RPH3A: variants seen among roughly 807,000 people sequenced by gnomAD.
The protein encoded by RPH3A is rabphilin-3A.
RPH3A carries 48 observed loss-of-function variants against 102.2 expected under a neutral mutation model. The observed-to-expected ratio is 0.47, with a 90% CI of 0.37 to 0.60. The LOEUF (loss-of-function observed/expected upper bound fraction) is 0.60, where lower values mean the gene tolerates loss of function less well. RPH3A is among the 20% of genes least tolerant of loss of function. RPH3A has a pLI of 0.00. For missense variants in RPH3A, 781 were observed against 910.1 expected (o/e 0.86, Z 1.83); for synonymous variants, 310 against 324.3 (o/e 0.96, Z 0.47).
intron 1 of RPH3A, among the ~76,000 whole-genome samples, chr12:112,651,201 A>T (rs566708566): frequency 6.6e-6 from 1 of 152,022 alleles, no homozygotes; most frequent in African/African-American, 2.4e-5. Context: ...TCCTAAAAAA[A>T]ACAAAACAAA....
chr12:112,596,086 T>C (rs569961029), intron 1 of RPH3A, among the ~76,000 whole-genome samples: 1 of 152,278 alleles, frequency 6.6e-6, no homozygotes, highest in Admixed American at 6.5e-5. Flanking sequence ...CAAAACATCA[T>C]TGAGTGAGAA....
rs143181287 is a variant in RPH3A, at chr12:112,612,313, G to A, written c.-140+36994G>A. Among the ~76,000 whole-genome samples, 513 of 152,280 alleles carry A rather than the reference G, an allele frequency of 3.4e-3. 2 individuals carry two copies. The highest frequency in any genetic ancestry group is 0.017 in the Middle Eastern group (5 of 294). ...CTGGCTTTTGAAAGGCCCTGTTGGTGTAATTGAGGTTAAGTGTAGTTACTC... is the reference window on the plus strand; with the variant it reads ...CTGGCTTTTGAAAGGCCCTGTTGGTATAATTGAGGTTAAGTGTAGTTACTC... On this transcript the variant is annotated intron_variant, in intron 1 of 21. Transcript: ENST00000543106.
intron 1 of RPH3A, among the ~76,000 whole-genome samples, chr12:112,577,485 C>G (rs367971659): frequency 6.2e-4 from 94 of 152,238 alleles, no homozygotes; most frequent in African/African-American, 2.3e-3. Context: ...TGGTTGCCAT[C>G]TTGGTTTTGG....
intron 1 of RPH3A, among the ~76,000 whole-genome samples, chr12:112,667,342 AAAT>A (rs1260095419): frequency 6.6e-6 from 1 of 152,150 alleles, no homozygotes; most frequent in African/African-American, 2.4e-5. Flanking sequence ...TAGGAAGCTC[AAAT>A]AATATGTCAA....
chr12:112,671,623 A>T (rs369620986), intron 1 of RPH3A, among the ~76,000 whole-genome samples: 1 of 152,178 alleles, frequency 6.6e-6, no homozygotes, highest in South Asian at 2.1e-4. Flanking sequence ...AAGAATGGAT[A>T]TTGAGGGACA....
chr12:112,812,952 A>G (rs1275841642), intron 2 of RPH3A, among the ~76,000 whole-genome samples: 1 of 152,252 alleles, frequency 6.6e-6, no homozygotes, highest in Non-Finnish European at 1.5e-5. Flanking sequence ...TCTGGAGATG[A>G]CCACAAGGGT....
chr12:112,781,596 G>T (rs573278739), intron 1 of RPH3A, among the ~76,000 whole-genome samples: 1 of 152,196 alleles, frequency 6.6e-6, no homozygotes, highest in Non-Finnish European at 1.5e-5. Context: ...ATTGGTGGAG[G>T]ATCAGTGAGC....
intron 1 of RPH3A, among the ~76,000 whole-genome samples, chr12:112,687,580 C>T (rs759635504): frequency 6.6e-5 from 10 of 152,300 alleles, no homozygotes; most frequent in South Asian, 4.1e-4. Context: ...CTGTCTACCA[C>T]GTGTGCTATC....
At chr12:112,728,479 T>A (rs1748970877) in intron 1 of RPH3A, among the ~76,000 whole-genome samples, 1 of 152,186 alleles carries the variant, frequency 6.6e-6, no homozygotes, top group Non-Finnish European at 1.5e-5. Flanking sequence ...TGTGTTTATA[T>A]AAGCATTTTT....
intron 15 of RPH3A, among the ~76,000 whole-genome samples, chr12:112,883,092 A>C (rs898326281): frequency 6.6e-6 from 1 of 152,192 alleles, no homozygotes; most frequent in Admixed American, 6.5e-5. Context: ...ACCCAGTGTC[A>C]AGCATTGATC....
chr12:112,807,977 A>G (rs949096526), intron 2 of RPH3A, among the ~76,000 whole-genome samples: 1 of 152,046 alleles, frequency 6.6e-6, no homozygotes, highest in African/African-American at 2.4e-5. Flanking sequence ...TGACTGTTCT[A>G]TTTACCACTA....
chr12:112,811,109 G>C (rs1201986592), intron 2 of RPH3A, among the ~76,000 whole-genome samples: 2 of 151,962 alleles, frequency 1.3e-5, no homozygotes, highest in Non-Finnish European at 2.9e-5. Context: ...AGAAATACAG[G>C]GTTAGGTTCC....
intron 1 of RPH3A, among the ~76,000 whole-genome samples, chr12:112,657,479 T>A (rs1332691634): frequency 6.6e-6 from 1 of 152,194 alleles, no homozygotes; most frequent in Non-Finnish European, 1.5e-5. Context: ...CAGAATTGCA[T>A]GTGCTATACT....
intron 1 of RPH3A, among the ~76,000 whole-genome samples, chr12:112,612,600 T>C (rs966068405): frequency 6.9e-6 from 1 of 145,976 alleles, no homozygotes; most frequent in Non-Finnish European, 1.5e-5. Context: ...GGTCTCACTC[T>C]GTCACCCAGG....
chr12:112,756,664 T>A (rs1008514523), intron 1 of RPH3A, among the ~76,000 whole-genome samples: 32 of 152,364 alleles, frequency 2.1e-4, no homozygotes, highest in African/African-American at 7.7e-4. Context: ...CAAAGACATC[T>A]AGGTTGTTCC....
intron 1 of RPH3A, among the ~76,000 whole-genome samples, chr12:112,651,384 A>AAAC (rs398070185): frequency 6.6e-6 from 1 of 150,704 alleles, no homozygotes; most frequent in South Asian, 2.1e-4. Flanking sequence ...AAACCCCCAA[A>AAAC]AAACAAACAA....
chr12:112,861,628 A>C (rs535943987), intron 5 of RPH3A, among the ~76,000 whole-genome samples: 1 of 152,322 alleles, frequency 6.6e-6, no homozygotes, highest in African/African-American at 2.4e-5. Context: ...AACTGGCATA[A>C]ACCACTTAAT....
intron 1 of RPH3A, among the ~76,000 whole-genome samples, chr12:112,726,882 G>T (rs1225118259): frequency 1.3e-5 from 2 of 152,030 alleles, no homozygotes; most frequent in Non-Finnish European, 1.5e-5. Flanking sequence ...AATTAGATGG[G>T]CGTGGTGGTG....
At chr12:112,662,174 G>T (rs971739746) in intron 1 of RPH3A, among the ~76,000 whole-genome samples, 1 of 152,120 alleles carries the variant, frequency 6.6e-6, no homozygotes, top group South Asian at 2.1e-4. Context: ...GGTCTACCAC[G>T]TATTGAGTGC....
Sources: gnomAD v4.1 joint callset for allele counts (sites outside exome capture counted in the v4.1 genomes callset) on GRCh38, gnomAD v4.1.1 for gene constraint, MANE v1.5 for transcripts, NCBI Gene and HGNC (gene_info 2026-07-23, HGNC 2026-07-21) for gene names.